ELN: variants seen among roughly 807,000 people sequenced by gnomAD.
ELN encodes tropoelastin.
Under a neutral mutation model 105.8 loss-of-function variants are expected in ELN, and 65 were observed. The observed-to-expected ratio is 0.61, with a 90% confidence interval of 0.50 to 0.75. ELN has a LOEUF of 0.75. Ranked by LOEUF, ELN falls within the 30% of genes least tolerant of loss-of-function variation. ELN has a pLI of 0.00. For synonymous variants in ELN, 368 were observed against 389.2 expected (o/e 0.95, Z 0.64); for missense variants, 882 against 969.4 (o/e 0.91, Z 1.20).
At chr7:74,067,762 C>CAA (rs35074680) in intron 32 of ELN, among the ~76,000 whole-genome samples, 12 of 100,102 alleles carry the variant, frequency 1.2e-4, no homozygotes, top group South Asian at 3.6e-4. Context: ...GACTCCGTCT[C>CAA]AAAAAAAAAA....
intron 11 of ELN, 77 bp from the exon 12 acceptor site, chr7:74,046,619 G>T: frequency 6.6e-7 from 1 of 1,504,782 alleles, no homozygotes; most frequent in South Asian, 1.1e-5. Flanking sequence ...CCTTCTGTCT[G>T]AGCAGAAAGT....
intron 26 of ELN, among the ~76,000 whole-genome samples, chr7:74,062,854 A>G (rs782595258): frequency 1.3e-5 from 2 of 152,126 alleles, no homozygotes; most frequent in Non-Finnish European, 2.9e-5. Context: ...CCCGGCTTAC[A>G]AAAGAACTTT....
intron 30 of ELN, 68 bp downstream of exon 30, chr7:74,065,800 C>T: frequency 6.2e-7 from 1 of 1,612,096 alleles, no homozygotes; most frequent in South Asian, 1.1e-5. Flanking sequence ...GCCACCCTCC[C>T]CCAGCCCAGC....
intron 1 of ELN, among the ~76,000 whole-genome samples, chr7:74,034,679 T>A (rs1221769641): frequency 6.6e-6 from 1 of 152,112 alleles, no homozygotes; most frequent in East Asian, 1.9e-4. Flanking sequence ...CACTCCAGCC[T>A]GGGTGACAGA....
chr7:74,047,727 C>A lies in ELN; in HGVS notation c.685+11C>A. 8.7e-6 allele frequency: 14 copies of A among 1,614,126 alleles called. No homozygotes were observed. The highest frequency in any genetic ancestry group is 1.3e-5 in the African/African-American group (1 of 75,036). Reference sequence around the variant, plus strand: ...GGAAACTGCCCTATGGTGAGTGAGACCCTTCTAGACTGTGGGCTTCCAGCT... The same window carrying A: ...GGAAACTGCCCTATGGTGAGTGAGAACCTTCTAGACTGTGGGCTTCCAGCT... On this transcript the variant is annotated intron_variant, in intron 13 of 32. Transcript: ENST00000252034.
intron 15 of ELN, among the ~76,000 whole-genome samples, chr7:74,050,800 G>A (rs1200091620): frequency 1.3e-5 from 2 of 152,112 alleles, no homozygotes; most frequent in Non-Finnish European, 2.9e-5. Flanking sequence ...TCTACCTGAG[G>A]AAAGTTAGAA....
chr7:74,047,233 T>C (rs536871122), intron 12 of ELN, among the ~76,000 whole-genome samples: 1 of 152,318 alleles, frequency 6.6e-6, no homozygotes, highest in East Asian at 1.9e-4. Context: ...GAAAGTCATC[T>C]GCAGGTATTG....
At chr7:74,029,211 T>C in intron 1 of ELN, among the ~76,000 whole-genome samples, 1 of 151,846 alleles carries the variant, frequency 6.6e-6, no homozygotes, top group East Asian at 1.9e-4. Context: ...TCTGTGTGTG[T>C]GAATGTGTGT....
chr7:74,028,417 C>T (rs1429044745), intron 1 of ELN, 148 bp downstream of exon 1: 2 of 909,000 alleles, frequency 2.2e-6, no homozygotes, highest in African/African-American at 3.3e-5. Flanking sequence ...GTCCTCGGAA[C>T]TGCCCCTCCC....
At chr7:74,034,544 C>CA (rs569181807) in intron 1 of ELN, among the ~76,000 whole-genome samples, 35 of 152,164 alleles carry the variant, frequency 2.3e-4, no homozygotes, top group Admixed American at 1.6e-3. Context: ...CCCATCTTTA[C>CA]AAAAAAATCA....
rs1563837870 is a variant in ELN at position 74,056,442 on chromosome 7, C to T, written c.1315+7C>T. The T allele has an allele frequency of 5.6e-6, 9 of 1,613,524 alleles. No homozygotes were observed. Among genetic ancestry groups the T allele is most frequent in the Non-Finnish European group, 7.6e-6 (9 of 1,179,664 alleles). On this transcript the variant is annotated splice_region_variant and intron_variant, in intron 20 of 32. Coordinates refer to ENST00000252034, the MANE Select transcript of ELN (RefSeq NM_000501.4). ...CCGGGAGTTGGCATTTCCCGTGAGC[C>T]TTAGTCACACCTGGGGACATGGGTT...
At chr7:74,067,581 AC>A (rs1798228247) in intron 32 of ELN, among the ~76,000 whole-genome samples, 2 of 151,790 alleles carry the variant, frequency 1.3e-5, no homozygotes, top group Non-Finnish European at 2.9e-5. Context: ...TACTAAAAAT[AC>A]AAAAAATTAG....
intron 1 of ELN, among the ~76,000 whole-genome samples, chr7:74,030,894 C>G (rs1788513249): frequency 6.6e-6 from 1 of 152,206 alleles, no homozygotes; most frequent in Non-Finnish European, 1.5e-5. Flanking sequence ...CGATCCCGCT[C>G]TGTGTGTCTG....
chr7:74,033,784 G>A (rs937283973), intron 1 of ELN, among the ~76,000 whole-genome samples: 4 of 152,214 alleles, frequency 2.6e-5, no homozygotes, highest in Non-Finnish European at 5.9e-5. Flanking sequence ...AGAGACACCC[G>A]TTCCCCCAGC....
chr7:74,062,916 G>T (rs1442376673), intron 26 of ELN, among the ~76,000 whole-genome samples: 2 of 152,148 alleles, frequency 1.3e-5, no homozygotes, highest in African/African-American at 2.4e-5. Flanking sequence ...CAGGAGGATC[G>T]CATGAGCCCA....
At chr7:74,051,566 TG>T (rs1275155915) in intron 15 of ELN, among the ~76,000 whole-genome samples, 183 bp from the exon 16 acceptor site, 4 of 152,036 alleles carry the variant, frequency 2.6e-5, no homozygotes, top group African/African-American at 9.7e-5. Context: ...ATGGACACTT[TG>T]GGGGAGAGTC....
chr7:74,042,971 C>A lies in ELN; in HGVS notation c.326-13C>A, dbSNP rs782652262. 1 of 1,614,114 alleles carries A rather than the reference C, an allele frequency of 6.2e-7. No homozygotes were observed. The highest frequency in any genetic ancestry group is 1.3e-5 in the African/African-American group (1 of 75,012). The stretch of plus-strand genomic sequence containing the variant: ...GTTCCTTACGCAATGCCTCACCTGT[C>A]CTGGCTCTGCAGGCGCTGGGCTTGG... On this transcript the variant is annotated splice_polypyrimidine_tract_variant and intron_variant, in intron 6 of 32. Coordinates refer to ENST00000252034, the MANE Select transcript of ELN (RefSeq NM_000501.4).
chr7:74,030,614 G>A (rs546322184), intron 1 of ELN, among the ~76,000 whole-genome samples: 1 of 151,538 alleles, frequency 6.6e-6, no homozygotes, highest in Non-Finnish European at 1.5e-5. Context: ...GTCCAGGCTG[G>A]TCTGAATTCC....
rs782709575 is a variant in ELN at position 74,063,416 on chromosome 7, C to T, written c.1918+47C>T. The T allele has an allele frequency of 3.2e-6, 5 of 1,545,586 alleles. No individual in the cohort carries two copies. The highest frequency in any genetic ancestry group is 3.9e-5 in the Admixed American group (2 of 51,102). ...GAGCTGCCGCCAGGCCCCCAGGCCCCCAGGGTGTGGGAGGAGCTTCTGACC... is the reference window on the plus strand; with the variant it reads ...GAGCTGCCGCCAGGCCCCCAGGCCCTCAGGGTGTGGGAGGAGCTTCTGACC... On this transcript the variant is annotated intron_variant, in intron 28 of 32. Coordinates refer to ENST00000252034, the MANE Select transcript of ELN (RefSeq NM_000501.4). The surrounding 1 kb of genome is among the most constrained non-coding windows in gnomAD (Gnocchi z 4.1).
Sources: allele counts gnomAD v4.1 joint callset (sites outside exome capture counted in the v4.1 genomes callset), GRCh38; gene constraint gnomAD v4.1.1; non-coding constraint Gnocchi (gnomAD v3.1); transcripts MANE v1.5; gene names NCBI Gene and HGNC (gene_info 2026-07-23, HGNC 2026-07-21).